Variants in ATXN2 observed in about 807,000 individuals in gnomAD.
ATXN2 encodes ataxin-2.
A neutral mutation model predicts 138.6 loss-of-function variants in ATXN2; 37 were observed. That is an observed-to-expected ratio of 0.27 (90% confidence interval 0.21 to 0.35). The LOEUF (loss-of-function observed/expected upper bound fraction) is 0.35, where lower values mean the gene tolerates loss of function less well. Ranked by LOEUF, ATXN2 falls within the 10% of genes least tolerant of loss-of-function variation. The pLI is 1.00. For missense variants in ATXN2, 1,216 were observed against 1,480.3 expected, an observed-to-expected ratio of 0.82 and a Z score of 2.93; for synonymous variants, 549 against 543.7, an observed-to-expected ratio of 1.01 and a Z score of -0.13.
At position 111,599,049 on chromosome 12, in the gene ATXN2, A is replaced by C; in HGVS notation, c.-15T>G. The C allele has an allele frequency of 6.9e-7, 1 of 1,457,364 alleles. No individual in the cohort carries two copies. The highest frequency in any genetic ancestry group is 9.0e-7 in the Non-Finnish European group (1 of 1,106,356). The allele number at this position is 1,457,364 out of a possible 1,614,324, so 90.3% of individuals were successfully genotyped here. A position where few individuals can be genotyped will look rare whatever the true frequency, so the allele number is the denominator to read the frequency against. On this transcript the variant is annotated 5_prime_UTR_variant, in exon 1 of 25. Coordinates refer to ENST00000673436, the MANE Select transcript of ATXN2 (RefSeq NM_001372574.1). ...TTCAGCGACATGGTGAGGGGCCCAT[A>C]CACCGGCTCGCACGCCGGGCGGGGA...
chr12:111,470,017 G>C, intron 20 of ATXN2, 91 bp downstream of exon 20: 1 of 1,361,834 alleles, frequency 7.3e-7, no homozygotes, highest in Non-Finnish European at 9.9e-7. Flanking sequence ...TGTCATAAAA[G>C]GTCAGGTTAT....
chr12:111,579,888 C>T (rs1883896784), intron 1 of ATXN2, among the ~76,000 whole-genome samples: 1 of 151,608 alleles, frequency 6.6e-6, no homozygotes, highest in African/African-American at 2.4e-5. Context: ...TTAGTAGACA[C>T]AGGGTCTCAC....
intron 1 of ATXN2, among the ~76,000 whole-genome samples, chr12:111,594,005 C>T (rs551795817): frequency 1.4e-4 from 22 of 152,296 alleles, no homozygotes; most frequent in Non-Finnish European, 2.8e-4. Flanking sequence ...TTCCCCCAAT[C>T]CATTTAAAAT....
At chr12:111,597,954 C>A (rs1015600024) in intron 1 of ATXN2, 3 of 1,240,594 alleles carry the variant, frequency 2.4e-6, no homozygotes, top group South Asian at 1.3e-5. Flanking sequence ...CGGCCTCGAA[C>A]AGCAATGCGG....
At position 111,552,915 on chromosome 12, in the gene ATXN2, G is replaced by C; in HGVS notation, c.411C>G (p.Tyr137Ter). ...AAAAAGTAAAAATTACCTTCGGACT[G>C]TAAGTTTTAAAAACTCCTTCATATA... Reference protein sequence around the residue: ...GGIYEGVFKTYSPKCDLVLDA... With the variant: ...GGIYEGVFKT The change falls in exon 4 of 25, where the codon TAC (tyrosine) becomes TAG (stop). Residue 137 changes from tyrosine to a stop codon, truncating the protein, a stop_gained. Coordinates refer to ENST00000673436, the MANE Select transcript of ATXN2 (RefSeq NM_001372574.1). LOFTEE classifies it high-confidence loss of function. This position sits in a 1 kb window ranked among gnomAD's most constrained non-coding sequence, Gnocchi z 4.1. 6.4e-7 allele frequency: 1 copy of C among 1,553,278 alleles called. No individual in the cohort carries two copies. Among genetic ancestry groups the C allele is most frequent in the Non-Finnish European group, 8.7e-7 (1 of 1,155,096 alleles).
At chr12:111,535,921 A>G (rs1303269487) in intron 5 of ATXN2, among the ~76,000 whole-genome samples, 2 of 147,756 alleles carry the variant, frequency 1.4e-5, no homozygotes, top group Non-Finnish European at 3.0e-5. Flanking sequence ...AATGGCGTGA[A>G]CCCAGGAGGC....
chr12:111,469,870 T>C (rs891016954), intron 20 of ATXN2: 13 of 474,064 alleles, frequency 2.7e-5, no homozygotes, highest in South Asian at 1.6e-4. Context: ...TGCCATTATA[T>C]ACATCATTAC....
At chr12:111,499,435 A>G (rs1239464294) in intron 14 of ATXN2, among the ~76,000 whole-genome samples, 2 of 152,184 alleles carry the variant, frequency 1.3e-5, no homozygotes, top group Non-Finnish European at 2.9e-5. Flanking sequence ...TGGGCGCAGC[A>G]GCTCACGCCT....
intron 1 of ATXN2, among the ~76,000 whole-genome samples, chr12:111,589,321 A>G (rs1884526961): frequency 6.6e-6 from 1 of 151,668 alleles, no homozygotes; most frequent in Non-Finnish European, 1.5e-5. Flanking sequence ...CAACACACAC[A>G]CACAAACAAT....
rs993866749 is a variant in ATXN2, at chr12:111,598,027, C to G, written c.251+757G>C. On this transcript the variant is annotated intron_variant, in intron 1 of 24. Coordinates refer to ENST00000673436, the MANE Select transcript of ATXN2 (RefSeq NM_001372574.1). This position sits in a 1 kb window ranked among gnomAD's most constrained non-coding sequence, Gnocchi z 4.5. ...GGAAGGAGGAAGGCCGGGACGGGGC[C>G]GGGCACTCCCCACCCCTTCCCTTCC... 1.7e-6 allele frequency: 2 copies of G among 1,188,200 alleles called. No individual in the cohort carries two copies. The highest frequency in any genetic ancestry group is 3.2e-5 in the African/African-American group (2 of 62,556). 73.6% of individuals were successfully genotyped at this position (1,188,200 alleles called of 1,614,324 possible).
In ATXN2 at chr12:111,456,176, C is replaced by T. The variant is rs756228372; in HGVS notation, c.3123G>A (p.Ala1041=). 14 of 1,614,076 alleles carry T rather than the reference C, an allele frequency of 8.7e-6. No individual in the cohort carries two copies. Among genetic ancestry groups the T allele is most frequent in the African/African-American group, 6.7e-5 (5 of 74,922 alleles). The change falls in exon 23 of 25, where the codon GCG becomes GCA. Residue 1041 remains alanine (A), a synonymous_variant. Transcript: ENST00000673436. ...QQSAIYHAGL[A]PTPPSMTPAS... is the part of the protein sequence containing the mutation. ...CAGGTGTCATGGAGGGTGGAGTTGGCGCAAGCCCCGCGTGGTAAATGGCTG... is the reference window on the plus strand; with the variant it reads ...CAGGTGTCATGGAGGGTGGAGTTGGTGCAAGCCCCGCGTGGTAAATGGCTG...
intron 11 of ATXN2, chr12:111,511,518 G>A (rs1879516811): frequency 6.7e-6 from 1 of 148,526 alleles, no homozygotes; most frequent in East Asian, 2.0e-4. Flanking sequence ...GGAGTGCAGT[G>A]GCGCGATCTC....
intron 13 of ATXN2, 87 bp from the exon 14 acceptor site, chr12:111,509,706 A>G (rs1368648909): frequency 7.5e-6 from 7 of 938,636 alleles, no homozygotes; most frequent in Non-Finnish European, 1.1e-5. Context: ...AGAAATTAGA[A>G]TAAGATATAA....
At chr12:111,506,147 C>G (rs568114704) in intron 14 of ATXN2, among the ~76,000 whole-genome samples, 60 of 152,106 alleles carry the variant, frequency 3.9e-4, no homozygotes, top group Admixed American at 7.2e-4. Flanking sequence ...CCCAAATAAG[C>G]CCATCCATAG....
At chr12:111,583,122 AGCTGGGACTACAGATGCGCACCACCAT>A in intron 1 of ATXN2, among the ~76,000 whole-genome samples, 1 of 150,906 alleles carries the variant, frequency 6.6e-6, no homozygotes, top group East Asian at 2.0e-4. Context: ...CCTCTCGAGT[AGCTGGGACTACAGATGCGCACCACCAT>A]GCCCAGCTAA....
intron 1 of ATXN2, among the ~76,000 whole-genome samples, chr12:111,587,904 A>C (rs1299761129): frequency 6.6e-6 from 1 of 152,090 alleles, no homozygotes; most frequent in African/African-American, 2.4e-5. Context: ...CGAAACTGAC[A>C]TTTTCGGGCT....
At chr12:111,557,675 G>A (rs971072002) in intron 1 of ATXN2, among the ~76,000 whole-genome samples, 10 of 152,196 alleles carry the variant, frequency 6.6e-5, no homozygotes, top group Non-Finnish European at 1.0e-4. Flanking sequence ...CTGATTCCAC[G>A]TCTAAGTTTT....
At chr12:111,545,962 GAAA>G (rs56313374) in intron 5 of ATXN2, among the ~76,000 whole-genome samples, 1 of 94,834 alleles carries the variant, frequency 1.1e-5, no homozygotes, top group Admixed American at 1.2e-4. Flanking sequence ...AAGATCATCT[GAAA>G]AAAAAAAAAA....
chr12:111,495,070 C>T (rs1878325258), intron 14 of ATXN2, among the ~76,000 whole-genome samples: 1 of 152,092 alleles, frequency 6.6e-6, no homozygotes, highest in Non-Finnish European at 1.5e-5. Flanking sequence ...CTTTGGGAGG[C>T]CAAGGCAGGC....
Sources: allele counts gnomAD v4.1 joint callset (sites outside exome capture counted in the v4.1 genomes callset), GRCh38; gene constraint gnomAD v4.1.1; non-coding constraint Gnocchi (gnomAD v3.1); transcripts MANE v1.5; gene names NCBI Gene and HGNC (gene_info 2026-07-23, HGNC 2026-07-21).